ZNF461: variants seen among roughly 807,000 people sequenced by gnomAD.
ZNF461 encodes zinc finger protein 461.
Under a neutral mutation model 18.3 loss-of-function variants are expected in ZNF461, and 16 were observed. The observed-to-expected ratio is 0.88, with a 90% confidence interval of 0.59 to 1.33. The LOEUF (loss-of-function observed/expected upper bound fraction) is 1.33, where lower values mean the gene tolerates loss of function less well. ZNF461 is among the 40% of genes most tolerant of loss of function. ZNF461 has a pLI of 0.00. For missense variants in ZNF461, 595 were observed against 669.9 expected, an observed-to-expected ratio of 0.89 and a Z score of 1.23; for synonymous variants, 179 against 216.9, an observed-to-expected ratio of 0.83 and a Z score of 1.54.
intron 4 of ZNF461, among the ~76,000 whole-genome samples, chr19:36,649,778 A>T (rs1011947262): frequency 6.6e-6 from 1 of 152,252 alleles, no homozygotes; most frequent in African/African-American, 2.4e-5. Flanking sequence ...CAGGTAACAG[A>T]TATGTTAATT....
In ZNF461 at chr19:36,638,925, A is replaced by G. The variant is rs779282333; in HGVS notation, c.1420T>C (p.Cys474Arg). 1.1e-5 allele frequency: 18 copies of G among 1,607,340 alleles called. No homozygotes were observed. The highest frequency in any genetic ancestry group is 1.3e-5 in the Non-Finnish European group (15 of 1,175,056). ...GAATGAAGTCTAAAGGCCTTACCAC[A>G]TATCATGCATTCATGAGGTTTCTCA... ...TGEKPHECMI[C>R]GKAFRLHSHL... Residue 474 changes from cysteine (C) to arginine (R), a missense_variant, in exon 6 of 6, where the codon TGT (cysteine) becomes CGT (arginine). Cys to Arg is a radical substitution (Grantham distance 180). Transcript: ENST00000588268.
At chr19:36,653,847 A>G (rs1245571342) in intron 4 of ZNF461, among the ~76,000 whole-genome samples, 3 of 152,230 alleles carry the variant, frequency 2.0e-5, no homozygotes, top group African/African-American at 4.8e-5. Context: ...GGATAAGTAT[A>G]GCTAACACAA....
At chr19:36,658,067 AAGG>A in intron 3 of ZNF461, 2 of 496,214 alleles carry the variant, frequency 4.0e-6, no homozygotes. Flanking sequence ...CTTAAACATC[AAGG>A]AGGAGTTATT....
chr19:36,663,952 T>C (rs2037860096), intron 2 of ZNF461, among the ~76,000 whole-genome samples: 1 of 152,180 alleles, frequency 6.6e-6, no homozygotes, highest in Non-Finnish European at 1.5e-5. Context: ...GAAGGGAAGA[T>C]ATGTATGTAT....
At chr19:36,653,605 A>T (rs2037664528) in intron 4 of ZNF461, among the ~76,000 whole-genome samples, 1 of 152,180 alleles carries the variant, frequency 6.6e-6, no homozygotes, top group Non-Finnish European at 1.5e-5. Context: ...GACAGCAGAC[A>T]GGAGAGAATG....
intron 4 of ZNF461, among the ~76,000 whole-genome samples, chr19:36,648,039 G>C (rs1473733855): frequency 1.3e-5 from 2 of 152,010 alleles, no homozygotes; most frequent in East Asian, 1.9e-4. Context: ...AAATTAGCTG[G>C]GTGTGGTGGC....
chr19:36,665,381 T>G (rs571867170), intron 1 of ZNF461, among the ~76,000 whole-genome samples: 3 of 152,286 alleles, frequency 2.0e-5, no homozygotes, highest in Admixed American at 6.5e-5. Flanking sequence ...AGTTTGTCTT[T>G]GAATACAGAC....
chr19:36,652,699 A>G (rs1030062502), intron 4 of ZNF461, among the ~76,000 whole-genome samples: 4 of 152,114 alleles, frequency 2.6e-5, no homozygotes, highest in African/African-American at 9.7e-5. Context: ...AGACCCTGTT[A>G]AAAGGATAAA....
chr19:36,639,576 G>T lies in ZNF461; in HGVS notation c.769C>A (p.His257Asn). The T allele has an allele frequency of 6.2e-7, 1 of 1,612,898 alleles. No homozygotes were observed. The highest frequency in any genetic ancestry group is 1.1e-5 in the South Asian group (1 of 91,010). Residue 257 changes from histidine (H) to asparagine (N), a missense_variant, in exon 6 of 6, where the codon CAT becomes AAT. Physicochemically the swap from His to Asn is moderately conservative, Grantham distance 68 (BLOSUM62 1). Coordinates refer to ENST00000588268, the MANE Select transcript of ZNF461 (RefSeq NM_153257.5). ...ECKECWKAFV[H>N]CSQLKHLRIH... Reference sequence around the variant, plus strand: ...CTTAGATGTTTAAGTTGTGAGCAATGAACAAAGGCCTTCCAACATTCTTTA... The same window carrying T: ...CTTAGATGTTTAAGTTGTGAGCAATTAACAAAGGCCTTCCAACATTCTTTA...
chr19:36,658,603 TCTTAA>T, intron 2 of ZNF461, 178 bp from the exon 3 acceptor site: 1 of 496,260 alleles, frequency 2.0e-6, no homozygotes. Flanking sequence ...GCCCATATGT[TCTTAA>T]ACAATTCATT....
At chr19:36,648,925 G>C (rs1600426639) in intron 4 of ZNF461, among the ~76,000 whole-genome samples, 1 of 152,096 alleles carries the variant, frequency 6.6e-6, no homozygotes, top group Non-Finnish European at 1.5e-5. Flanking sequence ...TAGTGATTTT[G>C]AACATCTCTT....
At chr19:36,642,752 GT>G (rs2037449158) in intron 5 of ZNF461, among the ~76,000 whole-genome samples, 1 of 133,902 alleles carries the variant, frequency 7.5e-6, no homozygotes, top group African/African-American at 2.8e-5. Context: ...GTGTGTGTGT[GT>G]TTTTGGTGGG....
At chr19:36,647,313 GC>G (rs1157604198) in intron 4 of ZNF461, among the ~76,000 whole-genome samples, 2 of 152,184 alleles carry the variant, frequency 1.3e-5, no homozygotes, top group Admixed American at 6.6e-5. Flanking sequence ...GCTGAGATAG[GC>G]ATATCACTTG....
At chr19:36,656,197 C>T (rs1291305378) in intron 4 of ZNF461, among the ~76,000 whole-genome samples, 1 of 151,952 alleles carries the variant, frequency 6.6e-6, no homozygotes, top group African/African-American at 2.4e-5. Context: ...CGGGGTTTCA[C>T]CGTGGTCTCG....
At chr19:36,665,554 CA>C (rs1389786221) in intron 1 of ZNF461, among the ~76,000 whole-genome samples, 1 of 151,880 alleles carries the variant, frequency 6.6e-6, no homozygotes, top group Non-Finnish European at 1.5e-5. Context: ...ACTAAAAATA[CA>C]AAAATTAGCT....
intron 5 of ZNF461, among the ~76,000 whole-genome samples, chr19:36,640,526 G>A (rs1338372985): frequency 6.6e-6 from 1 of 152,138 alleles, no homozygotes; most frequent in Non-Finnish European, 1.5e-5. Context: ...CATTTCCCAA[G>A]CTCTTTCACA....
chr19:36,637,995 T>C lies in ZNF461; in HGVS notation c.*658A>G. 1 of 261,658 alleles carries C rather than the reference T, an allele frequency of 3.8e-6. No homozygotes were observed. 16.2% of individuals were successfully genotyped at this position (261,658 alleles called of 1,614,324 possible). A position where few individuals can be genotyped will look rare whatever the true frequency, so the allele number is the denominator to read the frequency against. ...GTAATGTCAAAATATATACGCCAGA[T>C]ACTCTTTAATCCCACTGTTGGGAAT... On this transcript the variant is annotated 3_prime_UTR_variant, in exon 6 of 6. Coordinates refer to ENST00000588268, the MANE Select transcript of ZNF461 (RefSeq NM_153257.5).
intron 4 of ZNF461, among the ~76,000 whole-genome samples, chr19:36,651,932 A>G (rs1025807747): frequency 2.6e-5 from 4 of 152,228 alleles, no homozygotes; most frequent in African/African-American, 9.6e-5. Flanking sequence ...GGTTTACTGT[A>G]TAACTGCAGC....
chr19:36,649,748 G>A (rs1304119695), intron 4 of ZNF461, among the ~76,000 whole-genome samples: 1 of 151,914 alleles, frequency 6.6e-6, no homozygotes. Flanking sequence ...TATTGTGGAA[G>A]AACAAAAAAA....
Sources: gnomAD v4.1 joint callset for allele counts (sites outside exome capture counted in the v4.1 genomes callset) on GRCh38, gnomAD v4.1.1 for gene constraint, MANE v1.5 for transcripts, NCBI Gene and HGNC (gene_info 2026-07-23, HGNC 2026-07-21) for gene names.